The following EML1 variants were observed in gnomAD, a reference collection of about 807,000 sequenced individuals.
The protein encoded by EML1 is EMAP like 1, also known as echinoderm microtubule-associated protein-like 1.
Under a neutral mutation model 110.4 loss-of-function variants are expected in EML1, and 27 were observed. The ratio of observed to expected loss-of-function variants is 0.24; its 90% CI spans 0.18 to 0.34. The LOEUF (loss-of-function observed/expected upper bound fraction) is 0.34, where lower values mean the gene tolerates loss of function less well. Among genes scored for constraint, EML1 ranks in the 10% least tolerant of loss-of-function variants. EML1 has a pLI of 1.00. For synonymous variants in EML1, 344 were observed against 385.8 expected, an observed-to-expected ratio of 0.89 and a Z score of 1.27; for missense variants, 741 against 1,030.9, an observed-to-expected ratio of 0.72 and a Z score of 3.85.
upstream of EML1, among the ~76,000 whole-genome samples, chr14:99,770,860 G>T (rs536448393): frequency 2.1e-4 from 29 of 139,812 alleles, 1 homozygote; most frequent in Admixed American, 5.8e-4. Context: ...TCTCGGCTCA[G>T]TGCAAGCTCC....
At chr14:99,824,428 T>C (rs1411775887) in intron 1 of EML1, among the ~76,000 whole-genome samples, 1 of 152,158 alleles carries the variant, frequency 6.6e-6, no homozygotes, top group Non-Finnish European at 1.5e-5. Flanking sequence ...ACATACTATG[T>C]ACACACATAT....
chr14:99,791,335 C>G (rs2057668223), upstream of EML1, among the ~76,000 whole-genome samples: 1 of 152,216 alleles, frequency 6.6e-6, no homozygotes, highest in Non-Finnish European at 1.5e-5. Flanking sequence ...ACGCAAATGC[C>G]CACTGGAAGC....
chr14:99,756,871 G>A (rs1049608879), intron 1 of EML1, among the ~76,000 whole-genome samples: 2 of 151,940 alleles, frequency 1.3e-5, no homozygotes, highest in African/African-American at 2.4e-5. Context: ...TCACACATCC[G>A]CACGCGGCCC....
chr14:99,802,122 C>T (rs571420094), intron 1 of EML1, among the ~76,000 whole-genome samples: 38 of 151,896 alleles, frequency 2.5e-4, no homozygotes, highest in Non-Finnish European at 4.7e-4. Context: ...TCACTGCAGG[C>T]GGGTAGGTGG....
At chr14:99,796,503 T>C (rs2057776927) in intron 1 of EML1, among the ~76,000 whole-genome samples, 1 of 151,604 alleles carries the variant, frequency 6.6e-6, no homozygotes, top group Non-Finnish European at 1.5e-5. Context: ...TTTTTTTTTT[T>C]TTTCTTTGAG....
chr14:99,771,292 G>GT (rs998471244), upstream of EML1, among the ~76,000 whole-genome samples: 1 of 152,066 alleles, frequency 6.6e-6, no homozygotes, highest in Non-Finnish European at 1.5e-5. Flanking sequence ...TGTCTCTATG[G>GT]TTTTGCCTAT....
intron 19 of EML1, among the ~76,000 whole-genome samples, chr14:99,937,099 CA>C (rs1160538707): frequency 1.3e-5 from 2 of 152,174 alleles, no homozygotes; most frequent in Non-Finnish European, 2.9e-5. Context: ...CCCAAGAGCC[CA>C]CGGGGGTGGG....
chr14:99,811,402 G>T (rs573129995), intron 1 of EML1, among the ~76,000 whole-genome samples: 2 of 147,886 alleles, frequency 1.4e-5, no homozygotes, highest in Non-Finnish European at 1.5e-5. Flanking sequence ...ACTATTGACC[G>T]GAACCTTACC....
intron 17 of EML1, among the ~76,000 whole-genome samples, chr14:99,923,678 A>G (rs1322471387): frequency 2.0e-5 from 3 of 152,178 alleles, no homozygotes; most frequent in Non-Finnish European, 4.4e-5. Flanking sequence ...CTGTGACCTT[A>G]GAGGAAATTT....
intron 1 of EML1, among the ~76,000 whole-genome samples, chr14:99,775,088 C>T (rs2057467320): frequency 6.6e-6 from 1 of 152,182 alleles, no homozygotes; most frequent in South Asian, 2.1e-4. Context: ...ATTAGGAATG[C>T]GGTTTGCTGG....
intron 9 of EML1, among the ~76,000 whole-genome samples, chr14:99,906,658 T>C (rs187377323): frequency 8.1e-4 from 123 of 152,322 alleles, no homozygotes; most frequent in African/African-American, 2.8e-3. Context: ...TGCCTAACCA[T>C]CTGGGAATGC....
chr14:99,854,656 T>C (rs1166498748), intron 2 of EML1, among the ~76,000 whole-genome samples: 1 of 152,198 alleles, frequency 6.6e-6, no homozygotes, highest in Non-Finnish European at 1.5e-5. Context: ...AAGAACCGGC[T>C]ACCATATCAC....
At chr14:99,797,616 A>T (rs896450122) in intron 1 of EML1, among the ~76,000 whole-genome samples, 1 of 152,212 alleles carries the variant, frequency 6.6e-6, no homozygotes, top group African/African-American at 2.4e-5. Context: ...AGAGGGAAAG[A>T]AGTGGGAGCA....
chr14:99,897,053 A>G, intron 6 of EML1, 92 bp from the exon 7 acceptor site: 1 of 1,168,140 alleles, frequency 8.6e-7, no homozygotes, highest in Non-Finnish European at 1.2e-6. Context: ...GGTAATAGTT[A>G]TATGGTATTT....
At chr14:99,891,352 C>A in intron 5 of EML1, 125 bp downstream of exon 5, 3 of 1,199,026 alleles carry the variant, frequency 2.5e-6, no homozygotes, top group Non-Finnish European at 3.6e-6. Flanking sequence ...TTTGTGCAGG[C>A]CCAGATGGAG....
upstream of EML1, among the ~76,000 whole-genome samples, chr14:99,771,739 G>A (rs543605421): frequency 3.0e-4 from 45 of 152,306 alleles, no homozygotes; most frequent in African/African-American, 1.1e-3. Flanking sequence ...TTGAGTCCAG[G>A]GGATTGAGGC....
At chr14:99,915,301 C>T (rs989937339) in intron 15 of EML1, 1 of 152,860 alleles carries the variant, frequency 6.5e-6, no homozygotes, top group African/African-American at 2.4e-5. Context: ...ACTCCCAGCT[C>T]CTTGGAAGGC....
Position 99,927,955 on chromosome 14 carries a change from A to T in EML1, c.1909+7078A>T, listed in dbSNP as rs866173708. On this transcript the variant is annotated intron_variant, in intron 17 of 21. Transcript: ENST00000262233. ...ATGGTGGTGATGGTGGTGGTGGTGG[A>T]GGTGGTGGTGGTGGTGATGGTGGTG... Among the ~76,000 whole-genome samples the T allele has an allele frequency of 2.1e-4, 20 of 94,362 alleles. 1 individual carries two copies. Among genetic ancestry groups the T allele is most frequent in the South Asian group, 3.4e-4 (1 of 2,914 alleles). 61.9% of individuals were successfully genotyped at this position (94,362 alleles called of 152,430 possible). A position where few individuals can be genotyped will look rare whatever the true frequency, so the allele number is the denominator to read the frequency against.
chr14:99,871,784 G>A (rs531006847), intron 3 of EML1, among the ~76,000 whole-genome samples: 7 of 152,254 alleles, frequency 4.6e-5, no homozygotes, highest in African/African-American at 1.7e-4. Flanking sequence ...AGTTTCTTGC[G>A]ATAGGATCTA....
Sources: allele counts gnomAD v4.1 joint callset (sites outside exome capture counted in the v4.1 genomes callset), GRCh38; gene constraint gnomAD v4.1.1; transcripts MANE v1.5; gene names NCBI Gene and HGNC (gene_info 2026-07-23, HGNC 2026-07-21).